The following WDPCP variants were observed in gnomAD, a reference collection of about 807,000 sequenced individuals.
The protein encoded by WDPCP is WD repeat-containing and planar cell polarity effector protein fritz homolog.
WDPCP carries 71 observed loss-of-function variants against 93.1 expected under a neutral mutation model. The ratio of observed to expected loss-of-function variants is 0.76; its 90% CI spans 0.63 to 0.93. The LOEUF is 0.93. Among genes scored for constraint, WDPCP ranks in the 40% least tolerant of loss-of-function variants. WDPCP has a pLI of 0.00. For synonymous variants in WDPCP, 315 were observed against 315.0 expected (o/e 1.00, Z 0.00); for missense variants, 844 against 887.4 (o/e 0.95, Z 0.62).
intron 1 of WDPCP, among the ~76,000 whole-genome samples, chr2:63,583,688 A>G (rs928803244): frequency 1.3e-5 from 2 of 152,116 alleles, no homozygotes; most frequent in Non-Finnish European, 2.9e-5. Context: ...TCAAAAAAAA[A>G]AAAAAGAAAG....
intron 14 of WDPCP, among the ~76,000 whole-genome samples, chr2:63,225,021 C>A (rs945826126): frequency 6.6e-6 from 1 of 150,486 alleles, no homozygotes; most frequent in Non-Finnish European, 1.5e-5. Flanking sequence ...AATCTCTGTA[C>A]CTTCAGCTTA....
In WDPCP at chr2:63,429,976, T is replaced by TACACACAC. The variant is rs199517613; in HGVS notation, c.825+3761_825+3768dup. Among the ~76,000 whole-genome samples, 607 of 137,442 alleles carry TACACACAC rather than the reference T, an allele frequency of 4.4e-3. 1 individual carries two copies. The highest frequency in any genetic ancestry group is 0.011 in the Middle Eastern group (3 of 276). The allele number at this position is 137,442 out of a possible 152,430, so 90.2% of individuals were successfully genotyped here. A position where few individuals can be genotyped will look rare whatever the true frequency, so the allele number is the denominator to read the frequency against. ...GGTGGACTGGATAAAGAAAATGTTA[T>TACACACAC]ACACACACACACACACACACACACA... is the stretch of plus-strand genomic sequence containing the variant. On this transcript the variant is annotated intron_variant, in intron 9 of 17. Transcript: ENST00000272321.
intron 6 of WDPCP, chr2:63,441,135 G>A (rs2105533854): frequency 6.6e-6 from 1 of 152,342 alleles, no homozygotes; most frequent in East Asian, 1.9e-4. Context: ...CAGGGGCAGA[G>A]AGTTGGGGGG....
chr2:63,549,157 G>C (rs1219860087), intron 1 of WDPCP, among the ~76,000 whole-genome samples: 6 of 150,442 alleles, frequency 4.0e-5, no homozygotes, highest in Non-Finnish European at 8.9e-5. Flanking sequence ...GCTGAGGCAG[G>C]GAGAATCACT....
At chr2:63,398,897 C>G (rs2105118969) in intron 10 of WDPCP, among the ~76,000 whole-genome samples, 1 of 152,226 alleles carries the variant, frequency 6.6e-6, no homozygotes, top group African/African-American at 2.4e-5. Flanking sequence ...CTGACAAATT[C>G]AAGAAGTATA....
At chr2:63,450,799 C>A (rs796632836) in intron 6 of WDPCP, among the ~76,000 whole-genome samples, 2 of 152,054 alleles carry the variant, frequency 1.3e-5, no homozygotes, top group South Asian at 4.2e-4. Flanking sequence ...GAATCAAAGC[C>A]AAAACACCCC....
chr2:63,470,438 T>C (rs1699625185), intron 6 of WDPCP, among the ~76,000 whole-genome samples: 1 of 152,118 alleles, frequency 6.6e-6, no homozygotes, highest in African/African-American at 2.4e-5. Context: ...ACTCCATTCT[T>C]CCAATTCCTC....
intron 12 of WDPCP, among the ~76,000 whole-genome samples, chr2:63,374,167 C>T (rs1247621128): frequency 1.3e-5 from 2 of 150,584 alleles, no homozygotes; most frequent in African/African-American, 4.9e-5. Flanking sequence ...ATATGGATGT[C>T]TGATACAACC....
intron 1 of WDPCP, among the ~76,000 whole-genome samples, chr2:63,532,806 G>A (rs1703963268): frequency 1.3e-5 from 2 of 152,226 alleles, no homozygotes; most frequent in Middle Eastern, 3.4e-3. Flanking sequence ...ATCAACTAAC[G>A]AGCAAAATAA....
rs895473881 is a variant in WDPCP, at chr2:63,743,313, A to C, written n.308+70309T>G. ...CAGACCCAACTATTTCAGTAAGGTC[A>C]TCAATGTTAGAGTCACACTTAACAC... On this transcript the variant is annotated intron_variant and non_coding_transcript_variant, in intron 2 of 4. Transcript: ENST00000467687. 5.3e-5 allele frequency among the ~76,000 whole-genome samples: 8 copies of C among 152,264 alleles called. No individual in the cohort carries two copies. In the East Asian group the frequency reaches 1.5e-3, roughly 29 times the overall value.
intron 9 of WDPCP, among the ~76,000 whole-genome samples, chr2:63,430,417 G>A (rs1407472479): frequency 6.6e-6 from 1 of 152,118 alleles, no homozygotes; most frequent in African/African-American, 2.4e-5. Flanking sequence ...AAATTCAAAT[G>A]AAAACAACTA....
chr2:63,822,795 A>G (rs1437062494), intron 1 of WDPCP, among the ~76,000 whole-genome samples: 1 of 151,920 alleles, frequency 6.6e-6, no homozygotes, highest in Non-Finnish European at 1.5e-5. Flanking sequence ...CTGAAGTGGG[A>G]GGATTGCTTG....
Position 63,119,696 on chromosome 2 carries a change from C to T in WDPCP, c.*2310G>A, listed in dbSNP as rs1348513181. Among the ~76,000 whole-genome samples the T allele has an allele frequency of 6.6e-6, 1 of 152,158 alleles. No individual in the cohort carries two copies. On this transcript the variant is annotated 3_prime_UTR_variant, in exon 18 of 18. Coordinates refer to ENST00000272321, the MANE Select transcript of WDPCP (RefSeq NM_015910.7). ...TCATGGGTCTATTCCTAAAGGACAA[C>T]CTGTGAACCTGTCAGTGCTAGGACA...
chr2:63,730,749 T>A (rs1222209997), intron 2 of WDPCP, among the ~76,000 whole-genome samples: 1 of 151,862 alleles, frequency 6.6e-6, no homozygotes, highest in African/African-American at 2.4e-5. Flanking sequence ...AAAGAAAAAA[T>A]GGGCACTTAG....
chr2:63,279,840 G>A (rs903434653), intron 13 of WDPCP, among the ~76,000 whole-genome samples: 4 of 151,686 alleles, frequency 2.6e-5, no homozygotes, highest in Non-Finnish European at 5.9e-5. Flanking sequence ...ATGAAATCAA[G>A]AACTCAACCC....
chr2:63,503,348 C>T (rs1701670914), intron 1 of WDPCP, among the ~76,000 whole-genome samples: 3 of 152,116 alleles, frequency 2.0e-5, no homozygotes, highest in African/African-American at 7.2e-5. Context: ...ATCTTGTTTG[C>T]TAATGCTCAT....
At chr2:63,273,373 G>A (rs1607205) in intron 13 of WDPCP, among the ~76,000 whole-genome samples, 122,400 of 151,286 alleles carry the variant, frequency 0.81, 50,263 homozygotes, top group East Asian at 0.96. Context: ...CAGAATCCCA[G>A]CAAACTACAA....
intron 14 of WDPCP, among the ~76,000 whole-genome samples, chr2:63,224,554 A>G (rs1033120219): frequency 1.3e-5 from 2 of 152,076 alleles, no homozygotes; most frequent in Non-Finnish European, 2.9e-5. Context: ...ATTATTCAAC[A>G]CTAAAAGTAA....
chr2:63,216,564 T>C (rs1235481110), intron 14 of WDPCP, among the ~76,000 whole-genome samples: 3 of 152,006 alleles, frequency 2.0e-5, no homozygotes, highest in South Asian at 2.1e-4. Context: ...TGTCGTGGTA[T>C]TGGGGGAGGG....
Sources: gnomAD v4.1 joint callset for allele counts (sites outside exome capture counted in the v4.1 genomes callset) on GRCh38, gnomAD v4.1.1 for gene constraint, MANE v1.5 for transcripts, NCBI Gene and HGNC (gene_info 2026-07-23, HGNC 2026-07-21) for gene names.